SHC3: variants seen among roughly 807,000 people sequenced by gnomAD.
The protein encoded by SHC3 is SHC adaptor protein 3.
SHC3 carries 15 observed loss-of-function variants against 60.4 expected under a neutral mutation model. That is an observed-to-expected ratio of 0.25 (90% CI 0.17 to 0.38). The LOEUF (loss-of-function observed/expected upper bound fraction) is 0.38, where lower values mean the gene tolerates loss of function less well. Among genes scored for constraint, SHC3 ranks in the 10% least tolerant of loss-of-function variants. The pLI, the probability that SHC3 is intolerant of heterozygous loss-of-function variation, is 1.00. For synonymous variants in SHC3, 294 were observed against 325.9 expected, an observed-to-expected ratio of 0.90 and a Z score of 1.05; for missense variants, 677 against 786.1, an observed-to-expected ratio of 0.86 and a Z score of 1.66.
intron 2 of SHC3, among the ~76,000 whole-genome samples, chr9:89,103,385 T>C (rs1047716250): frequency 9.2e-5 from 14 of 152,220 alleles, no homozygotes; most frequent in Admixed American, 2.6e-4. Context: ...AATTCAGAGA[T>C]GGGAGCCGAG....
Position 89,008,853 on chromosome 9 carries a change from C to T in SHC3, c.*4594G>A, listed in dbSNP as rs980280873. The T allele has an allele frequency of 7.2e-5, 11 of 152,362 alleles. No individual in the cohort carries two copies. The highest frequency in any genetic ancestry group is 2.6e-4 in the African/African-American group (11 of 41,570). 9.4% of individuals were successfully genotyped at this position (152,362 alleles called of 1,614,324 possible). On this transcript the variant is annotated 3_prime_UTR_variant, in exon 12 of 12. Transcript: ENST00000375835. ...AACTTACTTGATAATGCACGCCTTC[C>T]CCGTCAGCTTCCTTCTCTCCCTACT...
At position 89,052,135 on chromosome 9, in the gene SHC3, C is replaced by T. The variant is rs777145462; in HGVS notation, c.864G>A (p.Gly288=). 78 of 1,613,882 alleles carry T rather than the reference C, an allele frequency of 4.8e-5. No homozygotes were observed. The highest frequency in any genetic ancestry group is 2.0e-4 in the Admixed American group (12 of 60,000). The part of the protein sequence containing the change: ...RACHILECCD[G]LAQDVIGSIG... ...TGGAGCCGATGACATCCTGGGCCAG[C>T]CCATCACAGCATTCCAAAATGTGAC... The change falls in exon 7 of 12, where the codon GGG becomes GGA. Residue 288 remains glycine (G), a synonymous_variant. Transcript: ENST00000375835.
At chr9:89,164,410 G>A (rs1190256995) in intron 1 of SHC3, among the ~76,000 whole-genome samples, 2 of 152,144 alleles carry the variant, frequency 1.3e-5, no homozygotes, top group Non-Finnish European at 1.5e-5. Flanking sequence ...GGCCCAGAGG[G>A]GAAGAGTTTG....
chr9:89,171,591 T>C (rs146237543), intron 1 of SHC3, among the ~76,000 whole-genome samples: 88 of 152,338 alleles, frequency 5.8e-4, no homozygotes, highest in African/African-American at 2.0e-3. Context: ...TATCCAAGGA[T>C]GGCTTCAAGT....
chr9:89,178,813 C>A lies in SHC3; in HGVS notation c.-353G>T. On this transcript the variant is annotated 5_prime_UTR_variant, in exon 1 of 12. Transcript: ENST00000375835. The surrounding 1 kb of genome is among the most constrained non-coding windows in gnomAD (Gnocchi z 6.9). ...CCCTTCTCAACAAAGGCTCGGTGAG[C>A]ACTGCAAATCACTTCCTGTAGCAGA... The A allele has an allele frequency of 4.7e-6, 1 of 213,104 alleles. No homozygotes were observed. The highest frequency in any genetic ancestry group is 9.4e-5 in the East Asian group (1 of 10,598). 13.2% of individuals were successfully genotyped at this position (213,104 alleles called of 1,614,324 possible).
intron 7 of SHC3, among the ~76,000 whole-genome samples, chr9:89,050,042 A>T (rs192596187): frequency 6.6e-6 from 1 of 152,348 alleles, no homozygotes; most frequent in East Asian, 1.9e-4. Flanking sequence ...TTTTTAATAA[A>T]ATTTGTCAAA....
At chr9:89,165,597 C>T (rs1032055593) in intron 1 of SHC3, among the ~76,000 whole-genome samples, 5 of 147,872 alleles carry the variant, frequency 3.4e-5, no homozygotes, top group South Asian at 2.2e-4. Flanking sequence ...AAACTTGAAA[C>T]CCTTTAGAGG....
chr9:89,017,646 T>C (rs182704391), intron 11 of SHC3, among the ~76,000 whole-genome samples: 1 of 151,820 alleles, frequency 6.6e-6, no homozygotes, highest in South Asian at 2.1e-4. Context: ...AATTGACAAA[T>C]GGGATCTAAT....
At chr9:89,129,364 C>T (rs1235992590) in intron 1 of SHC3, among the ~76,000 whole-genome samples, 1 of 152,166 alleles carries the variant, frequency 6.6e-6, no homozygotes, top group African/African-American at 2.4e-5. Context: ...CTTCCCCAAC[C>T]TAGCAAGGTA....
Position 89,075,231 on chromosome 9 carries a change from G to A in SHC3, c.610-3C>T, listed in dbSNP as rs1415952465. 5 of 1,613,272 alleles carry A rather than the reference G, an allele frequency of 3.1e-6. No homozygotes were observed. Among genetic ancestry groups the A allele is most frequent in the Non-Finnish European group, 4.2e-6 (5 of 1,179,570 alleles). The stretch of plus-strand genomic sequence containing the variant: ...CTGGACAGCATTTTGCTTGGAGGCT[G>A]TGAAATTAAAGAGCATTATTTTAGC... On this transcript the variant is annotated splice_region_variant and splice_polypyrimidine_tract_variant and intron_variant, in intron 3 of 11. Coordinates refer to ENST00000375835, the MANE Select transcript of SHC3 (RefSeq NM_016848.6).
chr9:89,071,476 C>A (rs1825269920), intron 4 of SHC3, among the ~76,000 whole-genome samples: 1 of 152,192 alleles, frequency 6.6e-6, no homozygotes, highest in Non-Finnish European at 1.5e-5. Context: ...AGCCTCGCTG[C>A]AGCCTGTGAT....
chr9:89,117,180 C>A (rs1826030489), intron 1 of SHC3, among the ~76,000 whole-genome samples: 1 of 152,218 alleles, frequency 6.6e-6, no homozygotes, highest in African/African-American at 2.4e-5. Flanking sequence ...ACCAGCAACA[C>A]CACCTTTGCA....
In SHC3 at chr9:89,075,115, G is replaced by A. The variant is rs1264342199; in HGVS notation, c.723C>T (p.Ser241=). ...TASLNLRTPD[S]KQIIANHHMR... is the part of the protein sequence containing the mutation. ...GATCTGAGCACCCATGTACCTGTTT[G>A]GAGTCCGGAGTTCGCAGGTTCAGAC... The change falls in exon 4 of 12, where the codon TCC becomes TCT. Residue 241 remains serine (S), a synonymous_variant. Coordinates refer to ENST00000375835, the MANE Select transcript of SHC3 (RefSeq NM_016848.6). 2 of 1,613,800 alleles carry A rather than the reference G, an allele frequency of 1.2e-6. No homozygotes were observed. The highest frequency in any genetic ancestry group is 1.7e-6 in the Non-Finnish European group (2 of 1,179,874).
rs528782757 is a variant in SHC3, at chr9:89,129,570, T to C, written c.475-16944A>G. On this transcript the variant is annotated intron_variant, in intron 1 of 11. Transcript: ENST00000375835. ...TAACAGCAGATCTCTCGGCAGAAACTCTACAAGCCAGAAGAGAGTGGGGGC... is the reference window on the plus strand; with the variant it reads ...TAACAGCAGATCTCTCGGCAGAAACCCTACAAGCCAGAAGAGAGTGGGGGC... Among the ~76,000 whole-genome samples, 35 of 152,182 alleles carry C rather than the reference T, an allele frequency of 2.3e-4. No homozygotes were observed. The East Asian group carries it at 5.4e-3, about 24-fold the overall frequency.
chr9:89,152,631 A>G (rs1564183415), intron 1 of SHC3, among the ~76,000 whole-genome samples: 1 of 152,254 alleles, frequency 6.6e-6, no homozygotes, highest in African/African-American at 2.4e-5. Context: ...TGATATTGGC[A>G]TTGGAATAAT....
intron 6 of SHC3, among the ~76,000 whole-genome samples, chr9:89,064,369 C>T (rs1825140916): frequency 6.6e-6 from 1 of 152,130 alleles, no homozygotes; most frequent in African/African-American, 2.4e-5. Flanking sequence ...CCTGAGAGAG[C>T]CTGGTGAGGC....
At chr9:89,035,856 T>TATATA (rs1317555722) in intron 11 of SHC3, among the ~76,000 whole-genome samples, 14 of 88,990 alleles carry the variant, frequency 1.6e-4, no homozygotes, top group African/African-American at 5.0e-4. Context: ...TATAGATGTG[T>TATATA]GTGTGTGTGT....
chr9:89,052,295 C>A (rs1824874801), intron 6 of SHC3, 132 bp from the exon 7 acceptor site: 8 of 1,086,824 alleles, frequency 7.4e-6, no homozygotes, highest in South Asian at 1.7e-5. Context: ...CCTAGCAGAT[C>A]CAACCACAGC....
intron 1 of SHC3, among the ~76,000 whole-genome samples, chr9:89,153,009 T>A (rs555624057): frequency 6.6e-6 from 1 of 152,090 alleles, no homozygotes; most frequent in South Asian, 2.1e-4. Context: ...ACTCAGGGGG[T>A]GGGACTGGAA....
Sources: gnomAD v4.1 joint callset for allele counts (sites outside exome capture counted in the v4.1 genomes callset) on GRCh38, gnomAD v4.1.1 for gene constraint, Gnocchi (gnomAD v3.1) non-coding constraint, MANE v1.5 for transcripts, NCBI Gene and HGNC (gene_info 2026-07-23, HGNC 2026-07-21) for gene names.